Variants in CYSTM1 observed in about 807,000 individuals in gnomAD.
CYSTM1 encodes cysteine rich transmembrane module containing 1.
CYSTM1 carries 4 observed loss-of-function variants against 13.1 expected under a neutral mutation model. The ratio of observed to expected loss-of-function variants is 0.31; its 90% CI spans 0.15 to 0.70. The LOEUF (loss-of-function observed/expected upper bound fraction) is 0.70. Among genes scored for constraint, CYSTM1 ranks in the 30% least tolerant of loss-of-function variants. CYSTM1 has a pLI of 0.72. For synonymous variants in CYSTM1, 36 were observed against 42.7 expected, an observed-to-expected ratio of 0.84 and a Z score of 0.62; for missense variants, 96 against 121.6, an observed-to-expected ratio of 0.79 and a Z score of 0.99.
intron 2 of CYSTM1, among the ~76,000 whole-genome samples, chr5:140,209,134 T>C (rs569841298): frequency 6.6e-6 from 1 of 152,142 alleles, no homozygotes; most frequent in African/African-American, 2.4e-5. Flanking sequence ...TAACTACTTG[T>C]CACGTGATTC....
At chr5:140,192,009 C>T (rs73793719) in intron 1 of CYSTM1, among the ~76,000 whole-genome samples, 4,245 of 152,104 alleles carry the variant, frequency 0.028, 201 homozygotes, top group African/African-American at 0.097. Flanking sequence ...CAGACCAGAG[C>T]GCAGAGAAGG....
At chr5:140,177,372 A>G (rs1236310162) in intron 1 of CYSTM1, among the ~76,000 whole-genome samples, 1 of 151,998 alleles carries the variant, frequency 6.6e-6, no homozygotes, top group African/African-American at 2.4e-5. Flanking sequence ...GCTCATTGCA[A>G]CCTTTGCCTC....
intron 2 of CYSTM1, among the ~76,000 whole-genome samples, chr5:140,209,619 G>A (rs949678464): frequency 2.2e-5 from 2 of 91,990 alleles, no homozygotes; most frequent in Non-Finnish European, 5.1e-5. Context: ...TAGTAAAGGC[G>A]GGGTTTCACC....
chr5:140,216,157 G>A (rs1241778170), intron 2 of CYSTM1, among the ~76,000 whole-genome samples: 1 of 151,852 alleles, frequency 6.6e-6, no homozygotes, highest in African/African-American at 2.4e-5. Flanking sequence ...AAAAAAGTTT[G>A]TGTAACTTTA....
At chr5:140,242,760 G>C (rs549154805) in intron 2 of CYSTM1, among the ~76,000 whole-genome samples, 1 of 152,298 alleles carries the variant, frequency 6.6e-6, no homozygotes, top group Admixed American at 6.5e-5. Flanking sequence ...CACTCAGCCA[G>C]GTTTTCATCC....
intron 2 of CYSTM1, among the ~76,000 whole-genome samples, chr5:140,221,915 T>A (rs990117347): frequency 6.6e-6 from 1 of 152,268 alleles, no homozygotes; most frequent in Non-Finnish European, 1.5e-5. Context: ...CAGTTTGATA[T>A]ATCCCCGATA....
chr5:140,188,879 A>G (rs978042153), intron 1 of CYSTM1, among the ~76,000 whole-genome samples: 1 of 152,210 alleles, frequency 6.6e-6, no homozygotes, highest in African/African-American at 2.4e-5. Context: ...TTCTAGCAAA[A>G]TATCTGCTGT....
rs1764603015 is a variant in CYSTM1, at chr5:140,230,132, A to G, written c.188-13173A>G. 2.0e-5 allele frequency among the ~76,000 whole-genome samples: 3 copies of G among 152,188 alleles called. No homozygotes were observed. Among genetic ancestry groups the G allele is most frequent in the African/African-American group, 7.2e-5 (3 of 41,432 alleles). On this transcript the variant is annotated intron_variant, in intron 2 of 2. Coordinates refer to ENST00000261811, the MANE Select transcript of CYSTM1 (RefSeq NM_032412.4). The surrounding 1 kb of genome is among the most constrained non-coding windows in gnomAD (Gnocchi z 4.1). The stretch of plus-strand genomic sequence containing the variant: ...GGTGATCCATCCATCTCAGCCTCCC[A>G]AAGTGCTGGGATTACAGGCGTAAGC...
rs1168309281 is a variant in CYSTM1, at chr5:140,175,685, G to A, written c.-21+400G>A. 6.6e-6 allele frequency among the ~76,000 whole-genome samples: 1 copy of A among 152,250 alleles called. No homozygotes were observed. Among genetic ancestry groups the A allele is most frequent in the South Asian group, 2.1e-4 (1 of 4,834 alleles). ...CGCCTTGGGCTGCGATTTCTGAGGC[G>A]CTGCTCTGCCTATTCCGAGCTGGGC... is the stretch of plus-strand genomic sequence containing the variant. On this transcript the variant is annotated intron_variant, in intron 1 of 2. Transcript: ENST00000261811. This position sits in a 1 kb window ranked among gnomAD's most constrained non-coding sequence, Gnocchi z 4.9.
At chr5:140,227,775 C>T (rs1277773312) in intron 2 of CYSTM1, among the ~76,000 whole-genome samples, 1 of 152,156 alleles carries the variant, frequency 6.6e-6, no homozygotes, top group African/African-American at 2.4e-5. Context: ...TAGGCCCCAC[C>T]CTTCTGCCAT....
intron 1 of CYSTM1, among the ~76,000 whole-genome samples, chr5:140,190,220 C>T (rs1168993251): frequency 1.3e-5 from 2 of 152,138 alleles, no homozygotes; most frequent in Non-Finnish European, 2.9e-5. Flanking sequence ...ACCTCAAAAG[C>T]ATAAATTTAA....
intron 2 of CYSTM1, among the ~76,000 whole-genome samples, chr5:140,214,002 G>T (rs546521202): frequency 1.8e-4 from 28 of 152,330 alleles, no homozygotes; most frequent in African/African-American, 6.3e-4. Flanking sequence ...AAAGGAGGAG[G>T]AGTCTGCGGG....
chr5:140,231,106 AATTT>A (rs1268833789), intron 2 of CYSTM1, among the ~76,000 whole-genome samples: 3 of 152,028 alleles, frequency 2.0e-5, no homozygotes, highest in Admixed American at 6.5e-5. Flanking sequence ...GTAATCTCTC[AATTT>A]ATTTTTGTCT....
intron 2 of CYSTM1, among the ~76,000 whole-genome samples, chr5:140,217,723 G>C (rs898322251): frequency 6.6e-6 from 1 of 152,072 alleles, no homozygotes; most frequent in African/African-American, 2.4e-5. Context: ...TCAGTGCTTT[G>C]CAGTTGCTTC....
chr5:140,208,508 G>A lies in CYSTM1; in HGVS notation c.187+13856G>A, dbSNP rs545291663. 2.6e-5 allele frequency among the ~76,000 whole-genome samples: 4 copies of A among 151,984 alleles called. No individual in the cohort carries two copies. In the South Asian group the frequency reaches 6.2e-4, roughly 24 times the overall value. ...TAGTTAGAAAGAATGAATGAGTCTGGTATTTGCTAGCACAACAGAGTGACT... is the reference window on the plus strand; with the variant it reads ...TAGTTAGAAAGAATGAATGAGTCTGATATTTGCTAGCACAACAGAGTGACT... On this transcript the variant is annotated intron_variant, in intron 2 of 2. Coordinates refer to ENST00000261811, the MANE Select transcript of CYSTM1 (RefSeq NM_032412.4).
At position 140,230,735 on chromosome 5, in the gene CYSTM1, ACT is replaced by A. The variant is rs1329155144; in HGVS notation, c.188-12567_188-12566del. Among the ~76,000 whole-genome samples the A allele has an allele frequency of 5.3e-5, 8 of 151,854 alleles. No homozygotes were observed. The highest frequency in any genetic ancestry group is 1.5e-4 in the African/African-American group (6 of 41,318). The stretch of plus-strand genomic sequence containing the variant: ...TTGTTTCTTGACTGCCATCTTGTAA[ACT>A]CTGTTAGGGATTGGTGTCTTTAATC... On this transcript the variant is annotated intron_variant, in intron 2 of 2. Transcript: ENST00000261811. This position sits in a 1 kb window ranked among gnomAD's most constrained non-coding sequence, Gnocchi z 4.1.
At chr5:140,236,053 A>G (rs1764676795) in intron 2 of CYSTM1, among the ~76,000 whole-genome samples, 1 of 152,206 alleles carries the variant, frequency 6.6e-6, no homozygotes, top group Non-Finnish European at 1.5e-5. Flanking sequence ...ATTGCTTGCT[A>G]AAGTCTTGTG....
intron 2 of CYSTM1, among the ~76,000 whole-genome samples, chr5:140,220,118 G>A (rs1453457713): frequency 6.6e-6 from 1 of 152,176 alleles, no homozygotes; most frequent in Non-Finnish European, 1.5e-5. Flanking sequence ...TCCTATCTCT[G>A]TTTCACTCTT....
In CYSTM1 at chr5:140,187,058, A is replaced by C. The variant is rs1764022678; in HGVS notation, c.-20-7388A>C. On this transcript the variant is annotated intron_variant, in intron 1 of 2. Transcript: ENST00000261811. Reference sequence around the variant, plus strand: ...GGAGAATCGCTTGAACCCGGAAGGCAGAGGTTGTAGTGAGCCGAGATCGCA... The same window carrying C: ...GGAGAATCGCTTGAACCCGGAAGGCCGAGGTTGTAGTGAGCCGAGATCGCA... 2.0e-5 allele frequency among the ~76,000 whole-genome samples: 3 copies of C among 152,210 alleles called. No individual in the cohort carries two copies. The South Asian group carries it at 6.2e-4, about 32-fold the overall frequency.
Sources: gnomAD v4.1 joint callset for allele counts (sites outside exome capture counted in the v4.1 genomes callset) on GRCh38, gnomAD v4.1.1 for gene constraint, Gnocchi (gnomAD v3.1) non-coding constraint, MANE v1.5 for transcripts, NCBI Gene and HGNC (gene_info 2026-07-23, HGNC 2026-07-21) for gene names.